The following EPM2A variants were observed in gnomAD, a reference collection of about 807,000 sequenced individuals.
The protein encoded by EPM2A is EPM2A glucan phosphatase, laforin.
Under a neutral mutation model 26.5 loss-of-function variants are expected in EPM2A, and 21 were observed. That is an observed-to-expected ratio of 0.79 (90% CI 0.56 to 1.14). The LOEUF is 1.14. Among genes scored for constraint, EPM2A ranks in the 50% most tolerant of loss-of-function variants. The pLI, the probability that EPM2A is intolerant of heterozygous loss-of-function variation, is 0.00. For missense variants in EPM2A, 458 were observed against 440.8 expected, an observed-to-expected ratio of 1.04 and a Z score of -0.35; for synonymous variants, 217 against 177.6, an observed-to-expected ratio of 1.22 and a Z score of -1.76.
At chr6:145,452,473 G>T (rs890225235) in intron 4 of EPM2A, among the ~76,000 whole-genome samples, 2 of 99,258 alleles carry the variant, frequency 2.0e-5, no homozygotes, top group African/African-American at 7.9e-5. Context: ...GTGAAACCCA[G>T]TCTCTACTAA....
chr6:145,515,913 A>G (rs1780119894), intron 2 of EPM2A, among the ~76,000 whole-genome samples: 1 of 152,140 alleles, frequency 6.6e-6, no homozygotes, highest in African/African-American at 2.4e-5. Flanking sequence ...GCCTCCATTT[A>G]CCATGGTGAC....
Position 145,490,305 on chromosome 6 carries a change from A to G in EPM2A, c.555+12217T>C, listed in dbSNP as rs911843937. The G allele has an allele frequency of 1.2e-5, 18 of 1,467,336 alleles. No homozygotes were observed. In the African/African-American group the frequency reaches 1.6e-4, roughly 13 times the overall value. 90.9% of individuals were successfully genotyped at this position (1,467,336 alleles called of 1,614,324 possible). The stretch of plus-strand genomic sequence containing the variant: ...ACCAAGTGATCTTTGAACTGGTCCC[A>G]GCTGTTAAACACACTGTTGCAGACA... On this transcript the variant is annotated intron_variant, in intron 4 of 4. Transcript: ENST00000638717.
At chr6:145,685,316 T>G (rs942874154) in intron 2 of EPM2A, among the ~76,000 whole-genome samples, 6 of 152,132 alleles carry the variant, frequency 3.9e-5, no homozygotes, top group Admixed American at 3.9e-4. Context: ...TAGGAGACAC[T>G]GTGAAAAATT....
intron 2 of EPM2A, among the ~76,000 whole-genome samples, chr6:145,647,668 G>C (rs1777579250): frequency 6.6e-6 from 1 of 151,998 alleles, no homozygotes; most frequent in Non-Finnish European, 1.5e-5. Flanking sequence ...AAATACAAAG[G>C]AAGGAAGGCA....
downstream of EPM2A, among the ~76,000 whole-genome samples, chr6:145,497,459 G>C (rs1447727224): frequency 6.6e-6 from 1 of 152,216 alleles, no homozygotes; most frequent in African/African-American, 2.4e-5. Flanking sequence ...CAGCCCAAAT[G>C]CACCTGCAGG....
At chr6:145,437,310 GCTAC>G (rs1417137827) in intron 4 of EPM2A, among the ~76,000 whole-genome samples, 2 of 151,860 alleles carry the variant, frequency 1.3e-5, no homozygotes. Flanking sequence ...TCCCATTCAT[GCTAC>G]CTGTTAAGCC....
chr6:145,648,078 G>T (rs857883), intron 2 of EPM2A, among the ~76,000 whole-genome samples: 94,192 of 151,968 alleles, frequency 0.62, 29,664 homozygotes, highest in East Asian at 0.74. Flanking sequence ...TCTATTCTAT[G>T]TGTTCTCATA....
intron 4 of EPM2A, among the ~76,000 whole-genome samples, chr6:145,393,541 G>C (rs1423060708): frequency 1.3e-5 from 2 of 152,150 alleles, no homozygotes; most frequent in Non-Finnish European, 2.9e-5. Flanking sequence ...CTACGACGAA[G>C]GGAAGAGAAT....
intron 4 of EPM2A, among the ~76,000 whole-genome samples, chr6:145,474,846 G>T (rs1779521900): frequency 6.6e-6 from 1 of 152,152 alleles, no homozygotes; most frequent in Non-Finnish European, 1.5e-5. Flanking sequence ...AGACATTTAT[G>T]CAGCCAACAA....
At chr6:145,549,367 A>G (rs1472256273) in intron 2 of EPM2A, among the ~76,000 whole-genome samples, 1 of 152,146 alleles carries the variant, frequency 6.6e-6, no homozygotes, top group Non-Finnish European at 1.5e-5. Flanking sequence ...AAGAATTAGA[A>G]ACCAAAAATT....
At chr6:145,421,500 T>C (rs1292974178) in intron 4 of EPM2A, among the ~76,000 whole-genome samples, 3 of 152,102 alleles carry the variant, frequency 2.0e-5, no homozygotes, top group Non-Finnish European at 4.4e-5. Context: ...AATTTTAATT[T>C]CTGTGGATGT....
chr6:145,397,359 T>C (rs1471181325), intron 4 of EPM2A, among the ~76,000 whole-genome samples: 1 of 152,136 alleles, frequency 6.6e-6, no homozygotes, highest in African/African-American at 2.4e-5. Flanking sequence ...GAGAACTGCT[T>C]GAGCCCAGGA....
At chr6:145,622,702 C>T (rs534345503), downstream of EPM2A, among the ~76,000 whole-genome samples, 12 of 152,274 alleles carry the variant, frequency 7.9e-5, no homozygotes, top group South Asian at 4.1e-4. Flanking sequence ...GCTAGAATAG[C>T]GGCATGGAAC....
intron 1 of EPM2A, among the ~76,000 whole-genome samples, chr6:145,704,989 TGAA>T (rs2128627997): frequency 6.6e-6 from 1 of 152,336 alleles, no homozygotes; most frequent in African/African-American, 2.4e-5. Flanking sequence ...ATAATCACAT[TGAA>T]GAAGGAAGAT....
chr6:145,433,435 T>C (rs530962764), intron 4 of EPM2A, among the ~76,000 whole-genome samples: 1 of 152,336 alleles, frequency 6.6e-6, no homozygotes, highest in African/African-American at 2.4e-5. Context: ...CTTTTCTTTT[T>C]ATTCTGTATA....
intron 2 of EPM2A, among the ~76,000 whole-genome samples, chr6:145,554,833 G>A (rs1326242355): frequency 2.0e-5 from 3 of 152,022 alleles, no homozygotes; most frequent in Non-Finnish European, 4.4e-5. Context: ...ATGATTATAG[G>A]AGCTGGCAAG....
rs753155401 is a variant in EPM2A at position 145,487,539 on chromosome 6, C to G, written c.555+14983G>C. 5.7e-4 allele frequency among the ~76,000 whole-genome samples: 86 copies of G among 152,158 alleles called. 1 individual carries two copies. The highest frequency in any genetic ancestry group is 1.9e-4 in the East Asian group (1 of 5,204). ...CACTTTTTAATAATTGTCATTCTGA[C>G]TGGTGTGAGATGGTATCACATGGTA... On this transcript the variant is annotated intron_variant, in intron 4 of 4. Coordinates refer to the EPM2A transcript ENST00000638717.
intron 4 of EPM2A, chr6:145,492,061 T>C (rs1316092453): frequency 2.5e-5 from 7 of 285,108 alleles, no homozygotes; most frequent in Non-Finnish European, 4.7e-5. Flanking sequence ...AGGAAACTTT[T>C]GAAAACATTT....
rs182871996 is a variant in EPM2A, at chr6:145,680,132, T to A, written c.476+5990A>T. 18 of 151,914 alleles carry A rather than the reference T, an allele frequency of 1.2e-4. No homozygotes were observed. The East Asian group carries it at 3.3e-3, about 28-fold the overall frequency. The allele number at this position is 151,914 out of a possible 1,614,324, so 9.4% of individuals were successfully genotyped here. On this transcript the variant is annotated intron_variant, in intron 2 of 3. Transcript: ENST00000367519. Reference sequence around the variant, plus strand: ...ACTTAAAGAGATGAAAGTGGCTGCCTGTGGAAAGACAAAATTGGGGGAGGT... The same window carrying A: ...ACTTAAAGAGATGAAAGTGGCTGCCAGTGGAAAGACAAAATTGGGGGAGGT...
Sources: gnomAD v4.1 joint callset for allele counts (sites outside exome capture counted in the v4.1 genomes callset) on GRCh38, gnomAD v4.1.1 for gene constraint, MANE v1.5 for transcripts, NCBI Gene and HGNC (gene_info 2026-07-23, HGNC 2026-07-21) for gene names.